The following PDZRN4 variants were observed in gnomAD, a reference collection of about 807,000 sequenced individuals.
PDZRN4 encodes the protein PDZ domain-containing RING finger protein 4.
PDZRN4 carries 70 observed loss-of-function variants against 99.0 expected under a neutral mutation model. That is an observed-to-expected ratio of 0.71 (90% CI 0.58 to 0.86). PDZRN4 has a LOEUF of 0.86. Among genes scored for constraint, PDZRN4 ranks in the 40% least tolerant of loss-of-function variants. The pLI is 0.00. For synonymous variants in PDZRN4, 551 were observed against 501.6 expected (o/e 1.10, Z -1.32); for missense variants, 1,474 against 1,331.2 (o/e 1.11, Z -1.67).
rs928394815 is a variant in PDZRN4, at chr12:41,496,210, A to G, written c.844-10246A>G. Among the ~76,000 whole-genome samples the G allele has an allele frequency of 2.0e-5, 3 of 152,072 alleles. No homozygotes were observed. The East Asian group carries it at 5.8e-4, about 29-fold the overall frequency. Reference sequence around the variant, plus strand: ...CCTGGCACTCTGTGAGTGCTCACTCAGTGCGAACTAGTATTACTGTCATTG... The same window carrying G: ...CCTGGCACTCTGTGAGTGCTCACTCGGTGCGAACTAGTATTACTGTCATTG... On this transcript the variant is annotated intron_variant, in intron 3 of 9. Transcript: ENST00000402685.
chr12:41,464,842 G>A (rs944670580), intron 3 of PDZRN4, among the ~76,000 whole-genome samples: 22 of 33,788 alleles, frequency 6.5e-4, no homozygotes, highest in East Asian at 6.1e-3. Context: ...TTTTTTTTTT[G>A]AGACAGAGTC....
chr12:41,270,265 TGTGTGTGTGTCTGTGTGTGTG>T (rs1951305355), intron 3 of PDZRN4, among the ~76,000 whole-genome samples: 1 of 137,272 alleles, frequency 7.3e-6, no homozygotes, highest in African/African-American at 2.8e-5. Flanking sequence ...AACTATTGTG[TGTGTGTGTGTCTGTGTGTGTG>T]GTGTGTGTGT....
At chr12:41,542,263 C>A (rs1938870410) in intron 5 of PDZRN4, among the ~76,000 whole-genome samples, 1 of 152,194 alleles carries the variant, frequency 6.6e-6, no homozygotes, top group Non-Finnish European at 1.5e-5. Flanking sequence ...GTGAAAGCAG[C>A]ACTATAGACA....
chr12:41,349,730 G>C (rs879512087), intron 3 of PDZRN4, among the ~76,000 whole-genome samples: 7 of 151,858 alleles, frequency 4.6e-5, no homozygotes, highest in Non-Finnish European at 8.8e-5. Context: ...TGCTTGGGAG[G>C]AGACTTATTG....
chr12:41,188,957 A>C lies in PDZRN4; in HGVS notation c.502A>C (p.Arg168=). 6.9e-7 allele frequency: 1 copy of C among 1,456,468 alleles called. No individual in the cohort carries two copies. Among genetic ancestry groups the C allele is most frequent in the Non-Finnish European group, 9.0e-7 (1 of 1,105,222 alleles). The allele number at this position is 1,456,468 out of a possible 1,614,324, so 90.2% of individuals were successfully genotyped here. A position where few individuals can be genotyped will look rare whatever the true frequency, so the allele number is the denominator to read the frequency against. ...RGPGPRVLAW[R]RREKALLAQL... ...ACCCGGGCCTCGGGTCCTCGCCTGG[A>C]GGCGGCGCGAGAAGGCGCTGCTGGC... The change falls in exon 1 of 10, where the codon AGG becomes CGG. Residue 168 remains arginine, a synonymous_variant. Transcript: ENST00000402685.
chr12:41,202,877 C>T (rs1277768026), intron 3 of PDZRN4, among the ~76,000 whole-genome samples: 3 of 151,744 alleles, frequency 2.0e-5, no homozygotes, highest in Admixed American at 6.6e-5. Context: ...GAATACCTGA[C>T]AAAATATATA....
At chr12:41,530,281 GTTTATC>G (rs1938639174) in intron 5 of PDZRN4, among the ~76,000 whole-genome samples, 1 of 152,056 alleles carries the variant, frequency 6.6e-6, no homozygotes, top group African/African-American at 2.4e-5. Flanking sequence ...TTATTATCTT[GTTTATC>G]TTTATAATTG....
At chr12:41,524,185 A>T (rs576068226) in intron 5 of PDZRN4, among the ~76,000 whole-genome samples, 1 of 152,308 alleles carries the variant, frequency 6.6e-6, no homozygotes, top group East Asian at 1.9e-4. Flanking sequence ...AATGCATAAA[A>T]TAATATTGAA....
intron 3 of PDZRN4, among the ~76,000 whole-genome samples, chr12:41,207,018 T>C (rs1326126562): frequency 6.6e-6 from 1 of 151,988 alleles, no homozygotes; most frequent in Non-Finnish European, 1.5e-5. Flanking sequence ...CTAGATACAC[T>C]GTGTTACAAA....
At chr12:41,471,795 A>G (rs184618604) in intron 3 of PDZRN4, among the ~76,000 whole-genome samples, 3 of 151,612 alleles carry the variant, frequency 2.0e-5, no homozygotes, top group African/African-American at 7.2e-5. Context: ...TGCTCCATTT[A>G]AAATAAAATG....
intron 3 of PDZRN4, among the ~76,000 whole-genome samples, chr12:41,322,487 C>CTTTTTTTTTTTTTTTTTTTT (rs71081724): frequency 1.1e-5 from 1 of 91,210 alleles, no homozygotes; most frequent in Non-Finnish European, 1.9e-5. Context: ...ATTTTCTTTC[C>CTTTTTTTTTTTTTTTTTTTT]TTTTTTTTTT....
At chr12:41,432,918 G>T (rs992060892) in intron 3 of PDZRN4, among the ~76,000 whole-genome samples, 4 of 152,140 alleles carry the variant, frequency 2.6e-5, no homozygotes, top group African/African-American at 9.7e-5. Flanking sequence ...GTATTCAAAT[G>T]ACCGGTTTGT....
chr12:41,231,864 G>A (rs1436252855), intron 3 of PDZRN4, among the ~76,000 whole-genome samples: 1 of 151,886 alleles, frequency 6.6e-6, no homozygotes, highest in Non-Finnish European at 1.5e-5. Flanking sequence ...TATTGTTGAA[G>A]TTATTCTGAA....
chr12:41,514,627 C>G (rs1424223602), intron 5 of PDZRN4, among the ~76,000 whole-genome samples: 2 of 152,146 alleles, frequency 1.3e-5, no homozygotes, highest in East Asian at 1.9e-4. Flanking sequence ...ACAGTGGGTG[C>G]TCAACGCATA....
intron 3 of PDZRN4, among the ~76,000 whole-genome samples, chr12:41,273,967 A>G (rs1294317461): frequency 6.6e-6 from 1 of 152,118 alleles, no homozygotes; most frequent in Non-Finnish European, 1.5e-5. Flanking sequence ...GTCAGCAACC[A>G]TAGAAATATG....
intron 1 of PDZRN4, 80 bp from the exon 2 acceptor site, chr12:41,191,378 A>G (rs1950734171): frequency 2.8e-6 from 2 of 714,578 alleles, no homozygotes; most frequent in East Asian, 2.7e-5. Flanking sequence ...GTTAACTTAC[A>G]GTACATAAAA....
At chr12:41,524,351 TTAC>T (rs1341925895) in intron 5 of PDZRN4, among the ~76,000 whole-genome samples, 2 of 152,124 alleles carry the variant, frequency 1.3e-5, no homozygotes, top group African/African-American at 4.8e-5. Flanking sequence ...CATTTAAGCT[TTAC>T]TACAACAGTA....
intron 3 of PDZRN4, chr12:41,478,049 C>A: frequency 1.6e-6 from 1 of 629,460 alleles, no homozygotes; most frequent in Admixed American, 2.8e-5. Context: ...GTTCTGTGTC[C>A]CCCAATAATA....
chr12:41,232,937 A>G (rs556553135), intron 3 of PDZRN4, among the ~76,000 whole-genome samples: 2 of 152,064 alleles, frequency 1.3e-5, no homozygotes, highest in Non-Finnish European at 2.9e-5. Context: ...TCCTTTCCCC[A>G]TTGCTTGTTT....
Sources: allele counts gnomAD v4.1 joint callset (sites outside exome capture counted in the v4.1 genomes callset), GRCh38; gene constraint gnomAD v4.1.1; transcripts MANE v1.5; gene names NCBI Gene and HGNC (gene_info 2026-07-23, HGNC 2026-07-21).